Variants in TRIM38 observed in about 807,000 individuals in gnomAD.
TRIM38 encodes the protein E3 ubiquitin-protein ligase TRIM38.
A neutral mutation model predicts 35.8 loss-of-function variants in TRIM38; 35 were observed. The observed-to-expected ratio is 0.98, with a 90% CI of 0.75 to 1.30. The LOEUF is 1.30. Ranked by LOEUF, TRIM38 falls within the 50% of genes most tolerant of loss-of-function variation. The pLI is 0.00. For synonymous variants in TRIM38, 198 were observed against 204.7 expected (o/e 0.97, Z 0.28); for missense variants, 545 against 556.9 (o/e 0.98, Z 0.21).
At chr6:25,973,454 T>C (rs946344195) in intron 7 of TRIM38, 169 bp downstream of exon 7, 3 of 985,190 alleles carry the variant, frequency 3.0e-6, no homozygotes, top group Non-Finnish European at 3.6e-6. Flanking sequence ...TCAGTGAATG[T>C]GATGAGCATT....
chr6:25,974,903 A>G, intron 7 of TRIM38: 1 of 985,458 alleles, frequency 1.0e-6, no homozygotes, highest in Non-Finnish European at 1.2e-6. Flanking sequence ...TCCTATACAG[A>G]TGACAGGAAG....
intron 7 of TRIM38, among the ~76,000 whole-genome samples, chr6:25,976,673 T>C (rs1760402753): frequency 6.6e-6 from 1 of 152,190 alleles, no homozygotes; most frequent in Non-Finnish European, 1.5e-5. Context: ...ACTGTGAACA[T>C]TCTTATCCAT....
intron 7 of TRIM38, among the ~76,000 whole-genome samples, chr6:25,978,079 AAT>A (rs1007876724): frequency 2.2e-4 from 34 of 151,162 alleles, no homozygotes; most frequent in African/African-American, 6.5e-4. Context: ...GTGTCTTCAT[AAT>A]ATATATATAT....
In TRIM38 at chr6:25,989,135, GT is replaced by G. The variant is rs1760787849; in HGVS notation, c.*5450del. On this transcript the variant is annotated 3_prime_UTR_variant, in exon 8 of 8. Transcript: ENST00000357085. The stretch of plus-strand genomic sequence containing the variant: ...TGGTATCTACTTGTTTTAATTTGCA[GT>G]TCCCTAATGACATGATGTCAAGCAT... The G allele has an allele frequency of 6.6e-6, 1 of 152,156 alleles. No homozygotes were observed. Among genetic ancestry groups the G allele is most frequent in the Admixed American group, 6.5e-5 (1 of 15,274 alleles). 9.4% of individuals were successfully genotyped at this position (152,156 alleles called of 1,614,324 possible). A position where few individuals can be genotyped will look rare whatever the true frequency, so the allele number is the denominator to read the frequency against.
chr6:25,989,825 T>C lies in TRIM38; in HGVS notation c.*6138T>C, dbSNP rs569649239. The C allele has an allele frequency of 1.4e-4, 21 of 152,226 alleles. No homozygotes were observed. Among genetic ancestry groups the C allele is most frequent in the African/African-American group, 5.1e-4 (21 of 41,568 alleles). The allele number at this position is 152,226 out of a possible 1,614,324, so 9.4% of individuals were successfully genotyped here. ...TTTTTTAAATAAAAATTTAAGACAT[T>C]TTATAACTGGCCAAATTTACTAGCT... is the stretch of plus-strand genomic sequence containing the variant. On this transcript the variant is annotated 3_prime_UTR_variant, in exon 8 of 8. Coordinates refer to ENST00000357085, the MANE Select transcript of TRIM38 (RefSeq NM_006355.5).
intron 7 of TRIM38, chr6:25,975,743 T>A: frequency 1.1e-6 from 1 of 940,044 alleles, no homozygotes; most frequent in Non-Finnish European, 1.3e-6. Flanking sequence ...CTCTTCTATG[T>A]TACTCGTTAC....
In TRIM38 at chr6:25,972,867, C is replaced by A. The variant is rs550199155; in HGVS notation, c.739-187C>A. Among the ~76,000 whole-genome samples, 3 of 152,338 alleles carry A rather than the reference C, an allele frequency of 2.0e-5. No homozygotes were observed. In the East Asian group the frequency reaches 5.8e-4, roughly 29 times the overall value. On this transcript the variant is annotated intron_variant, in intron 5 of 7. Transcript: ENST00000357085. ...CAGAAGCTGGTAGGAATTATTCCATCTGGGTATCCATCAATACCTAAGACT... is the reference window on the plus strand; with the variant it reads ...CAGAAGCTGGTAGGAATTATTCCATATGGGTATCCATCAATACCTAAGACT...
At position 25,983,756 on chromosome 6, in the gene TRIM38, G is replaced by A. The variant is rs994659204; in HGVS notation, c.*69G>A. 1.5e-5 allele frequency: 21 copies of A among 1,395,628 alleles called. No individual in the cohort carries two copies. The highest frequency in any genetic ancestry group is 5.7e-5 in the South Asian group (4 of 70,320). 86.5% of individuals were successfully genotyped at this position (1,395,628 alleles called of 1,614,324 possible). On this transcript the variant is annotated 3_prime_UTR_variant, in exon 8 of 8. Transcript: ENST00000357085. ...TAATATAAATCCCATAAGGGCAGAC[G>A]TTTGGTCTGTTTTCTTCGCTGTCAT...
At chr6:25,967,525 T>C (rs1168869145) in intron 3 of TRIM38, among the ~76,000 whole-genome samples, 2 of 31,304 alleles carry the variant, frequency 6.4e-5, no homozygotes, top group South Asian at 9.3e-4. Flanking sequence ...GTACCTCTAC[T>C]TTTTTTTTTT....
At chr6:25,974,162 C>T (rs1402385611) in intron 7 of TRIM38, among the ~76,000 whole-genome samples, 1 of 152,188 alleles carries the variant, frequency 6.6e-6, no homozygotes, top group African/African-American at 2.4e-5. Context: ...AGGTGTTGGT[C>T]AGGCTGTGTT....
At chr6:25,975,248 T>C in intron 7 of TRIM38, 1 of 561,058 alleles carries the variant, frequency 1.8e-6, no homozygotes, top group Non-Finnish European at 2.3e-6. Context: ...GTCTCGCTGT[T>C]ACCCAGGCTG....
At chr6:25,976,203 A>C (rs891728772) in intron 7 of TRIM38, among the ~76,000 whole-genome samples, 3 of 152,214 alleles carry the variant, frequency 2.0e-5, no homozygotes, top group Non-Finnish European at 2.9e-5. Context: ...GTAGTCATAG[A>C]AAGAGTCTAG....
intron 7 of TRIM38, among the ~76,000 whole-genome samples, chr6:25,976,463 A>G (rs77528124): frequency 5.3e-5 from 8 of 151,996 alleles, no homozygotes; most frequent in Non-Finnish European, 1.0e-4. Flanking sequence ...TAGAAACACT[A>G]TCTCTTTATT....
At position 25,989,921 on chromosome 6, in the gene TRIM38, C is replaced by A. The variant is rs761087914; in HGVS notation, c.*6234C>A. Reference sequence around the variant, plus strand: ...TTATTTCAGGCAACTAATATCTATTCATTTTTGCACTGTTGGAAGAAAATT... The same window carrying A: ...TTATTTCAGGCAACTAATATCTATTAATTTTTGCACTGTTGGAAGAAAATT... On this transcript the variant is annotated 3_prime_UTR_variant, in exon 8 of 8. Transcript: ENST00000357085. 1 of 151,246 alleles carries A rather than the reference C, an allele frequency of 6.6e-6. No homozygotes were observed. Among genetic ancestry groups the A allele is most frequent in the Admixed American group, 6.6e-5 (1 of 15,164 alleles). 9.4% of individuals were successfully genotyped at this position (151,246 alleles called of 1,614,324 possible).
intron 3 of TRIM38, 47 bp downstream of exon 3, chr6:25,966,980 T>C: frequency 3.3e-6 from 5 of 1,518,976 alleles, no homozygotes; most frequent in Non-Finnish European, 4.4e-6. Context: ...AGTCTTATCC[T>C]GCTCCCCAGG....
At chr6:25,978,759 C>A (rs1021616928) in intron 7 of TRIM38, among the ~76,000 whole-genome samples, 1 of 152,118 alleles carries the variant, frequency 6.6e-6, no homozygotes, top group Non-Finnish European at 1.5e-5. Flanking sequence ...CTCCACCTCC[C>A]AGGCTCAAGT....
At chr6:25,977,916 A>T (rs1358351511) in intron 7 of TRIM38, among the ~76,000 whole-genome samples, 3 of 152,070 alleles carry the variant, frequency 2.0e-5, no homozygotes, top group Non-Finnish European at 4.4e-5. Context: ...TTTTCCCGTA[A>T]CTATGACCAG....
intron 4 of TRIM38, among the ~76,000 whole-genome samples, chr6:25,969,802 T>C (rs1350795811): frequency 1.3e-5 from 2 of 152,160 alleles, no homozygotes; most frequent in Non-Finnish European, 2.9e-5. Context: ...CATCTGGCTC[T>C]CAACTTTACA....
rs900632872 is a variant in TRIM38 at position 25,983,607 on chromosome 6, GC to G, written c.1319del (p.Ala440ValfsTer36). 6.2e-7 allele frequency: 1 copy of G among 1,613,876 alleles called. No individual in the cohort carries two copies. The highest frequency in any genetic ancestry group is 1.7e-5 in the Admixed American group (1 of 59,992). On this transcript the variant is annotated frameshift_variant, in exon 8 of 8. Coordinates refer to ENST00000357085, the MANE Select transcript of TRIM38 (RefSeq NM_006355.5). LOFTEE classifies it low-confidence loss of function (END_TRUNC). ...TGCHIFTFPKASFSDTLRPYF... is the reference protein window; with the variant it reads ...TGCHIFTFPKXSFSDTLRPYF... Reference sequence around the variant, plus strand: ...CTGCCACATCTTTACTTTCCCGAAGGCTTCCTTCTCTGATACTCTCCGGCCC... The same window carrying G: ...CTGCCACATCTTTACTTTCCCGAAGGTTCCTTCTCTGATACTCTCCGGCCC...
Sources: gnomAD v4.1 joint callset for allele counts (sites outside exome capture counted in the v4.1 genomes callset) on GRCh38, gnomAD v4.1.1 for gene constraint, MANE v1.5 for transcripts, NCBI Gene and HGNC (gene_info 2026-07-23, HGNC 2026-07-21) for gene names.